Variants in ZC3H4 observed in about 807,000 individuals in gnomAD.
The protein encoded by ZC3H4 is zinc finger CCCH-type containing 4.
A neutral mutation model predicts 108.3 loss-of-function variants in ZC3H4; 13 were observed. That is an observed-to-expected ratio of 0.12 (90% confidence interval 0.08 to 0.19). The LOEUF (loss-of-function observed/expected upper bound fraction) is 0.19, where lower values mean the gene tolerates loss of function less well. Ranked by LOEUF, ZC3H4 falls within the 10% of genes least tolerant of loss-of-function variation. The pLI is 1.00. For missense variants in ZC3H4, 1,734 were observed against 1,838.8 expected (o/e 0.94, Z 1.04); for synonymous variants, 917 against 749.6 (o/e 1.22, Z -3.65).
chr19:47,077,943 C>T (rs1021356850), intron 11 of ZC3H4, among the ~76,000 whole-genome samples: 1 of 151,854 alleles, frequency 6.6e-6, no homozygotes, highest in Non-Finnish European at 1.5e-5. Flanking sequence ...CTACAACCCT[C>T]TAAGTTTTGC....
chr19:47,097,477 G>T (rs561080555), intron 2 of ZC3H4, among the ~76,000 whole-genome samples: 1 of 152,152 alleles, frequency 6.6e-6, no homozygotes, highest in East Asian at 1.9e-4. Context: ...CCCCCCTCAC[G>T]ACACCCAAGA....
intron 2 of ZC3H4, among the ~76,000 whole-genome samples, chr19:47,098,171 C>G (rs1480647841): frequency 2.0e-5 from 3 of 152,218 alleles, no homozygotes; most frequent in Non-Finnish European, 4.4e-5. Context: ...GGGTTCAGCA[C>G]ACACCACGGA....
chr19:47,106,726 C>A (rs1368933834), intron 2 of ZC3H4, among the ~76,000 whole-genome samples: 8 of 152,150 alleles, frequency 5.3e-5, no homozygotes, highest in African/African-American at 1.7e-4. Context: ...AACCCTAGCC[C>A]GACTCTAAAT....
intron 13 of ZC3H4, among the ~76,000 whole-genome samples, chr19:47,070,526 A>C (rs1037311744): frequency 5.9e-5 from 9 of 152,202 alleles, no homozygotes; most frequent in Non-Finnish European, 1.2e-4. Context: ...GTGCCCCGCC[A>C]GCAGAGCTTT....
intron 13 of ZC3H4, among the ~76,000 whole-genome samples, chr19:47,069,896 C>CA (rs2122694450): frequency 6.6e-6 from 1 of 152,320 alleles, no homozygotes; most frequent in East Asian, 1.9e-4. Flanking sequence ...CTGCCCACTC[C>CA]ACAGCATTAG....
At chr19:47,110,321 A>C (rs973017051) in intron 2 of ZC3H4, among the ~76,000 whole-genome samples, 1 of 152,302 alleles carries the variant, frequency 6.6e-6, no homozygotes, top group East Asian at 1.9e-4. Context: ...TCAAAGATGA[A>C]GGCTGGAGAC....
chr19:47,105,397 T>G (rs1167609815), intron 2 of ZC3H4, among the ~76,000 whole-genome samples: 1 of 152,134 alleles, frequency 6.6e-6, no homozygotes, highest in East Asian at 1.9e-4. Flanking sequence ...GGTCACGAGT[T>G]CAAGACCAGC....
Position 47,067,011 on chromosome 19 carries a change from G to A in ZC3H4, c.3257C>T (p.Thr1086Ile), listed in dbSNP as rs750283201. 1 of 1,597,218 alleles carries A rather than the reference G, an allele frequency of 6.3e-7. No homozygotes were observed. Residue 1086 changes from threonine to isoleucine, a missense_variant, in exon 15 of 15, where the codon ACA (threonine) becomes ATA (isoleucine). This residue lies in a region of ZC3H4 where 518 missense variants were observed against 499.6 expected (regional missense o/e 1.04). Transcript: ENST00000253048. This position sits in a 1 kb window ranked among gnomAD's most constrained non-coding sequence, Gnocchi z 6.4. ...AGCCCGGGAGGAGGCCGTAGAGTCT[G>A]TGGGTTTCTGCAGCCGAGGGTCGGT... ...APTDPRLQKP[T>I]DSTASSRAAK...
chr19:47,093,849 T>C lies in ZC3H4; in HGVS notation c.492+121A>G. The stretch of plus-strand genomic sequence containing the variant: ...ACTCATAAAATGGGGATTAAATTAA[T>C]ACCTGATGGCCCAGGACTGAAACTC... On this transcript the variant is annotated intron_variant, in intron 4 of 14. Transcript: ENST00000253048. The C allele has an allele frequency of 1.2e-5, 9 of 759,656 alleles. No homozygotes were observed. The South Asian group carries it at 1.3e-4, about 11-fold the overall frequency. 47.1% of individuals were successfully genotyped at this position (759,656 alleles called of 1,614,324 possible).
intron 2 of ZC3H4, among the ~76,000 whole-genome samples, chr19:47,111,292 A>C (rs1262263678): frequency 6.6e-6 from 1 of 152,156 alleles, no homozygotes. Context: ...ACGGGGCCCC[A>C]ACCTCGCCCT....
At chr19:47,088,933 C>A (rs994517331) in intron 5 of ZC3H4, among the ~76,000 whole-genome samples, 1 of 152,058 alleles carries the variant, frequency 6.6e-6, no homozygotes, top group Non-Finnish European at 1.5e-5. Flanking sequence ...ATGGGCCGGG[C>A]GCGGTGGCTC....
chr19:47,112,565 G>A lies in ZC3H4; in HGVS notation c.20C>T (p.Thr7Ile), dbSNP rs966718471. Residue 7 changes from threonine to isoleucine, a missense_variant, in exon 2 of 15, where the codon ACC becomes ATC. Physicochemically the swap from Thr to Ile is moderately conservative, Grantham distance 89. Transcript: ENST00000253048. ...CGACTCTGATGGCGGCGGCGGGGGGGTCCCGGGCGCGGCCTCCATAGTTCC... is the reference window on the plus strand; with the variant it reads ...CGACTCTGATGGCGGCGGCGGGGGGATCCCGGGCGCGGCCTCCATAGTTCC... MEAAPG[T>I]PPPPPSESPP... 8.5e-5 allele frequency: 92 copies of A among 1,081,122 alleles called. No homozygotes were observed. In the Admixed American group the frequency reaches 2.5e-3, roughly 30 times the overall value. 67.0% of individuals were successfully genotyped at this position (1,081,122 alleles called of 1,614,324 possible).
At chr19:47,112,113 G>A (rs945441129) in intron 2 of ZC3H4, 8 of 1,062,124 alleles carry the variant, frequency 7.5e-6, no homozygotes, top group South Asian at 9.1e-5. Context: ...AGGACAGGCG[G>A]ACGGGCGCGG....
At chr19:47,095,196 G>A (rs1284156779) in intron 2 of ZC3H4, among the ~76,000 whole-genome samples, 2 of 152,218 alleles carry the variant, frequency 1.3e-5, no homozygotes, top group East Asian at 3.8e-4. Context: ...GTGCACCGTG[G>A]AGAGGGCCTT....
chr19:47,078,169 T>C (rs967131820), intron 11 of ZC3H4, among the ~76,000 whole-genome samples: 3 of 152,214 alleles, frequency 2.0e-5, no homozygotes, highest in Non-Finnish European at 2.9e-5. Context: ...TCTATTTTTT[T>C]CATTATTTTT....
chr19:47,112,619 A>G (rs1167398974), intron 1 of ZC3H4, 30 bp from the exon 2 acceptor site: 24 of 1,216,400 alleles, frequency 2.0e-5, no homozygotes, highest in Non-Finnish European at 2.4e-5. Context: ...TTAATGCACG[A>G]AAAAGGACTG....
At position 47,067,917 on chromosome 19, in the gene ZC3H4, AC is replaced by A. The variant is rs750524377; in HGVS notation, c.2399-49del. ...GGAGGGGTGAGTGGGCGCATCCACC[AC>A]CCGCCCTCTTGGATCCCACAGCAGC... is the stretch of plus-strand genomic sequence containing the variant. On this transcript the variant is annotated intron_variant, in intron 14 of 14. Coordinates refer to ENST00000253048, the MANE Select transcript of ZC3H4 (RefSeq NM_015168.2). This position sits in a 1 kb window ranked among gnomAD's most constrained non-coding sequence, Gnocchi z 6.4. 1.5e-5 allele frequency: 23 copies of A among 1,521,038 alleles called. No individual in the cohort carries two copies. The African/African-American group carries it at 3.0e-4, about 20-fold the overall frequency. The allele number at this position is 1,521,038 out of a possible 1,614,324, so 94.2% of individuals were successfully genotyped here.
At position 47,084,209 on chromosome 19, in the gene ZC3H4, C is replaced by T. The variant is rs116978173; in HGVS notation, c.1218+136G>A. The T allele has an allele frequency of 1.5e-3, 1,147 of 780,582 alleles. 27 individuals are homozygous for T. The East Asian group carries it at 0.029, about 20-fold the overall frequency. The allele number at this position is 780,582 out of a possible 1,614,324, so 48.4% of individuals were successfully genotyped here. A position where few individuals can be genotyped will look rare whatever the true frequency, so the allele number is the denominator to read the frequency against. On this transcript the variant is annotated intron_variant, in intron 9 of 14. Coordinates refer to ENST00000253048, the MANE Select transcript of ZC3H4 (RefSeq NM_015168.2). ...AGGCCGCCCAGGCAACTCCCAGTAT[C>T]GGCAAGTGTCCACAAGGACAAGGAC...
In ZC3H4 at chr19:47,066,824, G is replaced by C; in HGVS notation, c.3444C>G (p.Leu1148=). The C allele has an allele frequency of 6.2e-7, 1 of 1,600,228 alleles. No individual in the cohort carries two copies. Among genetic ancestry groups the C allele is most frequent in the South Asian group, 1.1e-5 (1 of 90,738 alleles). ...GQSSVLSGIS[L]YDPRTPNAGG... ...CCGCGTTGGGAGTCCTCGGGTCGTA[G>C]AGGCTGATACCGCTCAGCACACTGC... Residue 1148 remains leucine (L), a synonymous_variant, in exon 15 of 15, where the codon CTC becomes CTG. Coordinates refer to ENST00000253048, the MANE Select transcript of ZC3H4 (RefSeq NM_015168.2).
Sources: allele counts gnomAD v4.1 joint callset (sites outside exome capture counted in the v4.1 genomes callset), GRCh38; gene constraint gnomAD v4.1.1; regional missense constraint gnomAD v4.1.1; non-coding constraint Gnocchi (gnomAD v3.1); transcripts MANE v1.5; gene names NCBI Gene and HGNC (gene_info 2026-07-23, HGNC 2026-07-21).